The following XRCC5 variants were observed in gnomAD, a reference collection of about 807,000 sequenced individuals.
The protein encoded by XRCC5 is DNA repair protein Ku80.
XRCC5 carries 12 observed loss-of-function variants against 95.7 expected under a neutral mutation model. The observed-to-expected ratio is 0.13, with a 90% CI of 0.08 to 0.20. The LOEUF is 0.20. XRCC5 is among the 10% of genes least tolerant of loss of function. The pLI, the probability that XRCC5 is intolerant of heterozygous loss-of-function variation, is 1.00. For synonymous variants in XRCC5, 281 were observed against 290.3 expected (o/e 0.97, Z 0.33); for missense variants, 595 against 873.9 (o/e 0.68, Z 4.02).
In XRCC5 at chr2:216,109,398, G is replaced by T. The variant is rs760212392; in HGVS notation, c.-39G>T. 6.2e-7 allele frequency: 1 copy of T among 1,613,130 alleles called. No homozygotes were observed. Among genetic ancestry groups the T allele is most frequent in the South Asian group, 1.1e-5 (1 of 90,998 alleles). On this transcript the variant is annotated 5_prime_UTR_variant, in exon 1 of 21. Coordinates refer to ENST00000392132, the MANE Select transcript of XRCC5 (RefSeq NM_021141.4). ...GCGAGTTGCGACACGGCAGGTTCCC[G>T]CCCGGAAGAAGCGACCAAAGCGCCT...
intron 16 of XRCC5, among the ~76,000 whole-genome samples, chr2:216,164,114 G>C (rs1014228256): frequency 6.6e-6 from 1 of 152,182 alleles, no homozygotes; most frequent in Non-Finnish European, 1.5e-5. Context: ...GCTGTATATT[G>C]TTACAGGGTG....
Position 216,156,777 on chromosome 2 carries a change from A to G in XRCC5, c.1671-3291A>G, listed in dbSNP as rs75095907. 9.1e-3 allele frequency: 4,790 copies of G among 526,734 alleles called. 186 individuals carry two copies. Among genetic ancestry groups the G allele is most frequent in the African/African-American group, 0.083 (4,308 of 51,954 alleles). 32.6% of individuals were successfully genotyped at this position (526,734 alleles called of 1,614,324 possible). ...CTCCATTGGAACAAAGTCTATGTCC[A>G]TGAGAGTAACCACACAATCCTGTCC... On this transcript the variant is annotated intron_variant, in intron 14 of 20. Transcript: ENST00000392132.
At chr2:216,122,803 C>T (rs947204802) in intron 6 of XRCC5, among the ~76,000 whole-genome samples, 4 of 149,566 alleles carry the variant, frequency 2.7e-5, no homozygotes, top group Admixed American at 1.3e-4. Flanking sequence ...ACTTACTTTA[C>T]GTGGGCGTTG....
Position 216,160,083 on chromosome 2 carries a change from T to C in XRCC5, c.1686T>C (p.Pro562=). 1.2e-6 allele frequency: 2 copies of C among 1,600,026 alleles called. No homozygotes were observed. Among genetic ancestry groups the C allele is most frequent in the South Asian group, 2.2e-5 (2 of 89,324 alleles). The change falls in exon 15 of 21, where the codon CCT becomes CCC. Residue 562 remains proline (P), a synonymous_variant. Transcript: ENST00000392132. ...EIFQDNHEDG[P]TAKKLKTEQG... ...TCTTTTCTAGCCATGAAGATGGACC[T>C]ACAGCTAAAAAATTAAAGACTGAGC...
intron 14 of XRCC5, among the ~76,000 whole-genome samples, chr2:216,158,687 T>C (rs1017874703): frequency 5.9e-5 from 9 of 152,234 alleles, no homozygotes; most frequent in South Asian, 4.1e-4. Flanking sequence ...TCTTCTACTT[T>C]GCTCTTGTCT....
chr2:216,126,771 G>A (rs1212988197), intron 7 of XRCC5, among the ~76,000 whole-genome samples: 1 of 152,026 alleles, frequency 6.6e-6, no homozygotes, highest in Non-Finnish European at 1.5e-5. Context: ...GAACCTTGGG[G>A]CAGTTCTTTA....
intron 10 of XRCC5, among the ~76,000 whole-genome samples, chr2:216,134,680 CCCT>C (rs367729152): frequency 4.3e-4 from 65 of 151,474 alleles, no homozygotes; most frequent in African/African-American, 1.5e-3. Flanking sequence ...CCACCCCCCC[CCCT>C]CCTCGGCCTC....
chr2:216,134,061 T>TC (rs1412658808), intron 10 of XRCC5, among the ~76,000 whole-genome samples: 1 of 152,214 alleles, frequency 6.6e-6, no homozygotes, highest in Non-Finnish European at 1.5e-5. Flanking sequence ...AGGATTACTG[T>TC]CCCCACTGGA....
At chr2:216,134,940 C>G (rs938137275) in intron 10 of XRCC5, among the ~76,000 whole-genome samples, 1 of 152,188 alleles carries the variant, frequency 6.6e-6, no homozygotes, top group Non-Finnish European at 1.5e-5. Flanking sequence ...TAAGTGAGGT[C>G]AAGGACTTGG....
chr2:216,148,305 A>G lies in XRCC5; in HGVS notation c.1670+29A>G, dbSNP rs374752581. On this transcript the variant is annotated intron_variant, in intron 14 of 20. Transcript: ENST00000392132. The stretch of plus-strand genomic sequence containing the variant: ...AGTACTTGGTATAGTTGCATTTAAC[A>G]TTGGGGTACATAAGAGTTGTGGTCA... 11 of 1,584,208 alleles carry G rather than the reference A, an allele frequency of 6.9e-6. No individual in the cohort carries two copies. In the African/African-American group the frequency reaches 1.2e-4, roughly 18 times the overall value.
rs34866684 is a variant in XRCC5, at chr2:216,172,443, GA to G, written c.1834+10398del. On this transcript the variant is annotated intron_variant, in intron 16 of 20. Coordinates refer to ENST00000392132, the MANE Select transcript of XRCC5 (RefSeq NM_021141.4). ...ACTCTATGTCATTTGCGTTTCCATGGAAACTTTAGCATCAGCTTTTCTTTTC... is the reference window on the plus strand; with the variant it reads ...ACTCTATGTCATTTGCGTTTCCATGGAACTTTAGCATCAGCTTTTCTTTTC... Among the ~76,000 whole-genome samples the G allele has an allele frequency of 4.6e-3, 675 of 147,360 alleles. 3 individuals carry two copies. The highest frequency in any genetic ancestry group is 0.016 in the African/African-American group (624 of 39,200).
intron 12 of XRCC5, among the ~76,000 whole-genome samples, chr2:216,140,850 T>C (rs1236310395): frequency 6.6e-6 from 1 of 152,240 alleles, no homozygotes; most frequent in Non-Finnish European, 1.5e-5. Flanking sequence ...GCTCAATGGA[T>C]ACTAAATATT....
Position 216,161,981 on chromosome 2 carries a change from T to C in XRCC5, c.1767T>C (p.Val589=). The C allele has an allele frequency of 6.2e-7, 1 of 1,614,098 alleles. No homozygotes were observed. Among genetic ancestry groups the C allele is most frequent in the Non-Finnish European group, 8.5e-7 (1 of 1,179,926 alleles). The change falls in exon 16 of 21, where the codon GTT becomes GTC. Residue 589 remains valine (V), a splice_region_variant and synonymous_variant. Transcript: ENST00000392132. The stretch of plus-strand genomic sequence containing the variant: ...TATCATCTGTTGGTATATTTTAGGT[T>C]GGAAGTGTGAATCCTGCTGAAAACT... ...SSLAEGSVTS[V]GSVNPAENFR...
intron 16 of XRCC5, among the ~76,000 whole-genome samples, chr2:216,171,220 C>T (rs1054146466): frequency 1.2e-4 from 18 of 152,220 alleles, no homozygotes; most frequent in Non-Finnish European, 2.1e-4. Flanking sequence ...GGGTCCTCCC[C>T]TTTCAAATTG....
chr2:216,132,773 T>C (rs948970111), intron 10 of XRCC5, among the ~76,000 whole-genome samples: 5 of 152,178 alleles, frequency 3.3e-5, no homozygotes, highest in African/African-American at 9.7e-5. Flanking sequence ...TCTATTCCTC[T>C]CTCTTGGTAC....
At chr2:216,157,268 CTG>C (rs1185511985) in intron 14 of XRCC5, among the ~76,000 whole-genome samples, 2 of 150,956 alleles carry the variant, frequency 1.3e-5, no homozygotes, top group African/African-American at 4.9e-5. Flanking sequence ...GAGTGTCACT[CTG>C]TCACCCAGGC....
In XRCC5 at chr2:216,137,234, C is replaced by A. The variant is rs1332827121; in HGVS notation, c.1251+9C>A. 3.1e-6 allele frequency: 5 copies of A among 1,610,006 alleles called. No homozygotes were observed. In the East Asian group the frequency reaches 1.1e-4, roughly 36 times the overall value. On this transcript the variant is annotated intron_variant, in intron 11 of 20. Transcript: ENST00000392132. The stretch of plus-strand genomic sequence containing the variant: ...TCAAGCATAACTATGAGGTAAAACC[C>A]AAAGTCTTAATGTTATTTTTTTTCT...
chr2:216,160,993 C>CAAAT (rs1244186625), intron 15 of XRCC5, among the ~76,000 whole-genome samples: 2 of 152,082 alleles, frequency 1.3e-5, no homozygotes, highest in Admixed American at 6.6e-5. Context: ...TGCACCCAGC[C>CAAAT]AAATAGTGCC....
chr2:216,145,797 G>A (rs905999039), intron 13 of XRCC5, among the ~76,000 whole-genome samples: 1 of 152,312 alleles, frequency 6.6e-6, no homozygotes, highest in East Asian at 1.9e-4. Flanking sequence ...CAGTAGGAAG[G>A]TTGGGTAGGA....
Sources: gnomAD v4.1 joint callset for allele counts (sites outside exome capture counted in the v4.1 genomes callset) on GRCh38, gnomAD v4.1.1 for gene constraint, MANE v1.5 for transcripts, NCBI Gene and HGNC (gene_info 2026-07-23, HGNC 2026-07-21) for gene names.